Variants in SNTG2 observed in about 807,000 individuals in gnomAD.
SNTG2 encodes gamma-2-syntrophin.
Under a neutral mutation model 70.9 loss-of-function variants are expected in SNTG2, and 74 were observed. That is an observed-to-expected ratio of 1.04 (90% CI 0.86 to 1.27). The LOEUF is 1.27. SNTG2 is among the 50% of genes most tolerant of loss of function. SNTG2 has a pLI of 0.00. For missense variants in SNTG2, 717 were observed against 690.7 expected, an observed-to-expected ratio of 1.04 and a Z score of -0.43; for synonymous variants, 278 against 273.8, an observed-to-expected ratio of 1.02 and a Z score of -0.15.
At chr2:995,538 G>A (rs1673808631) in intron 1 of SNTG2, among the ~76,000 whole-genome samples, 1 of 151,998 alleles carries the variant, frequency 6.6e-6, no homozygotes, top group South Asian at 2.1e-4. Context: ...TGTGGTGTCT[G>A]ATCTGTGTCA....
intron 6 of SNTG2, chr2:1,163,811 G>C (rs921210020): frequency 6.6e-6 from 1 of 152,420 alleles, no homozygotes; most frequent in Non-Finnish European, 1.5e-5. Flanking sequence ...TGGCCGGGGT[G>C]GGGTGGCTCA....
At chr2:1,087,697 C>T (rs1279668935) in intron 2 of SNTG2, among the ~76,000 whole-genome samples, 1 of 152,178 alleles carries the variant, frequency 6.6e-6, no homozygotes, top group Non-Finnish European at 1.5e-5. Flanking sequence ...ATGTACTAAT[C>T]GAGTCAGTCT....
intron 14 of SNTG2, among the ~76,000 whole-genome samples, chr2:1,269,284 C>T (rs573249070): frequency 6.6e-6 from 1 of 152,192 alleles, no homozygotes; most frequent in East Asian, 1.9e-4. Context: ...AAAGAGGATC[C>T]CTTGAGCCTC....
intron 1 of SNTG2, among the ~76,000 whole-genome samples, chr2:1,064,476 A>T (rs906737668): frequency 4.6e-5 from 7 of 151,298 alleles, no homozygotes; most frequent in East Asian, 3.9e-4. Flanking sequence ...TATATATATA[A>T]AAATAAAGTA....
At chr2:1,004,165 C>T (rs1044853370) in intron 1 of SNTG2, among the ~76,000 whole-genome samples, 1 of 152,170 alleles carries the variant, frequency 6.6e-6, no homozygotes, top group Non-Finnish European at 1.5e-5. Context: ...TAGTGCCTGA[C>T]ATGACTGTCC....
rs2148032814 is a variant in SNTG2, at chr2:1,221,849, CTCTGTCTCTGTCTCTGTCTCTCT to C, written c.719+12620_719+12642del. ...TCTCTCTGTCTCTCTCTGTCTCTGT[CTCTGTCTCTGTCTCTGTCTCTCT>C]CTCTCTCTGTCTCTGTCTGTGTCTC... On this transcript the variant is annotated intron_variant, in intron 9 of 16. Transcript: ENST00000308624. Among the ~76,000 whole-genome samples, 59 of 26,770 alleles carry C rather than the reference CTCTGTCTCTGTCTCTGTCTCTCT, an allele frequency of 2.2e-3. 28 individuals are homozygous for C. The highest frequency in any genetic ancestry group is 6.8e-3 in the South Asian group (4 of 584). 17.6% of individuals were successfully genotyped at this position (26,770 alleles called of 152,430 possible).
intron 13 of SNTG2, chr2:1,262,724 C>CCAGACGAGGCAGCCCGAAGGCTCCGTG (rs1678496894): frequency 1.7e-5 from 1 of 59,812 alleles, no homozygotes; most frequent in African/African-American, 7.1e-5. Flanking sequence ...AAGGCTCCGT[C>CCAGACGAGGCAGCCCGAAGGCTCCGTG]CAGACGAGGC....
intron 12 of SNTG2, among the ~76,000 whole-genome samples, chr2:1,247,836 C>T (rs571972507): frequency 3.9e-5 from 6 of 152,008 alleles, no homozygotes; most frequent in East Asian, 1.9e-4. Context: ...CTTTTATTCC[C>T]GGATGTCTCC....
intron 1 of SNTG2, among the ~76,000 whole-genome samples, chr2:1,061,888 A>G (rs1385930152): frequency 4.6e-5 from 7 of 152,228 alleles, no homozygotes; most frequent in African/African-American, 1.7e-4. Flanking sequence ...ATTACTTGGT[A>G]GTATTTAAGA....
chr2:1,106,074 C>T (rs1312227360), intron 4 of SNTG2, among the ~76,000 whole-genome samples: 78 of 124,330 alleles, frequency 6.3e-4, no homozygotes, highest in African/African-American at 1.9e-3. Context: ...TAATAGTGGA[C>T]ACCTGCTGTC....
chr2:975,075 G>A (rs944492735), intron 1 of SNTG2, among the ~76,000 whole-genome samples: 2 of 152,028 alleles, frequency 1.3e-5, no homozygotes, highest in African/African-American at 4.8e-5. Flanking sequence ...AACAACATGC[G>A]CTTGCACCCA....
At chr2:1,103,305 G>T in intron 4 of SNTG2, 1 of 230,374 alleles carries the variant, frequency 4.3e-6, no homozygotes. Context: ...AATTTTTCTT[G>T]ACATTAAATA....
chr2:1,274,278 T>C (rs562913090), intron 14 of SNTG2, among the ~76,000 whole-genome samples: 1 of 152,310 alleles, frequency 6.6e-6, no homozygotes, highest in South Asian at 2.1e-4. Flanking sequence ...CCCTGGTGTA[T>C]GCAAAAATGC....
At chr2:1,131,742 C>T (rs928214351) in intron 4 of SNTG2, among the ~76,000 whole-genome samples, 13 of 151,914 alleles carry the variant, frequency 8.6e-5, no homozygotes, top group African/African-American at 3.1e-4. Context: ...ACCTCCACCT[C>T]CCGGGTTCAC....
intron 1 of SNTG2, among the ~76,000 whole-genome samples, chr2:1,056,001 C>T (rs1662369119): frequency 6.6e-6 from 1 of 151,860 alleles, no homozygotes; most frequent in Non-Finnish European, 1.5e-5. Flanking sequence ...GCGGGGACTG[C>T]AGCTTCATCT....
chr2:1,281,002 A>G (rs1359256503), intron 14 of SNTG2, among the ~76,000 whole-genome samples: 1 of 152,196 alleles, frequency 6.6e-6, no homozygotes, highest in Non-Finnish European at 1.5e-5. Context: ...CTTATCTAAC[A>G]TCGGTGCCCA....
intron 7 of SNTG2, among the ~76,000 whole-genome samples, chr2:1,169,507 G>C (rs892790261): frequency 2.2e-4 from 34 of 152,202 alleles, no homozygotes; most frequent in African/African-American, 8.0e-4. Context: ...TTCACCGTGA[G>C]CCCCTGCCTA....
Position 951,087 on chromosome 2 carries a change from C to A in SNTG2, c.72+19C>A. Reference sequence around the variant, plus strand: ...TGCGCGGGTGAGTGCGGCCCCTCAGCGCCCCTTCACCTCCGGCCCCCCTTC... The same window carrying A: ...TGCGCGGGTGAGTGCGGCCCCTCAGAGCCCCTTCACCTCCGGCCCCCCTTC... On this transcript the variant is annotated intron_variant, in intron 1 of 16. Coordinates refer to ENST00000308624, the MANE Select transcript of SNTG2 (RefSeq NM_018968.4). The A allele has an allele frequency of 8.1e-7, 1 of 1,232,248 alleles. No homozygotes were observed. The highest frequency in any genetic ancestry group is 1.0e-6 in the Non-Finnish European group (1 of 986,582). 76.3% of individuals were successfully genotyped at this position (1,232,248 alleles called of 1,614,324 possible).
chr2:958,529 G>A (rs1208254557), intron 1 of SNTG2, among the ~76,000 whole-genome samples: 5 of 152,078 alleles, frequency 3.3e-5, no homozygotes, highest in African/African-American at 1.2e-4. Flanking sequence ...TATTGAAGCT[G>A]AACTAGCAGA....
Sources: allele counts gnomAD v4.1 joint callset (sites outside exome capture counted in the v4.1 genomes callset), GRCh38; gene constraint gnomAD v4.1.1; transcripts MANE v1.5; gene names NCBI Gene and HGNC (gene_info 2026-07-23, HGNC 2026-07-21).